Variants in FHOD3 observed in about 807,000 individuals in gnomAD.
FHOD3 encodes FH1/FH2 domain-containing protein 3.
FHOD3 carries 90 observed loss-of-function variants against 173.0 expected under a neutral mutation model. That is an observed-to-expected ratio of 0.52 (90% CI 0.44 to 0.62). FHOD3 has a LOEUF of 0.62. Ranked by LOEUF, FHOD3 falls within the 20% of genes least tolerant of loss-of-function variation. FHOD3 has a pLI of 0.00. For missense variants in FHOD3, 1,945 were observed against 2,034.7 expected (o/e 0.96, Z 0.85); for synonymous variants, 828 against 823.0 (o/e 1.01, Z -0.10).
chr18:36,386,834 G>A (rs2048058234), intron 3 of FHOD3, among the ~76,000 whole-genome samples: 1 of 152,142 alleles, frequency 6.6e-6, no homozygotes, highest in Admixed American at 6.5e-5. Context: ...AGGCTGTGGG[G>A]TCTAGCTTGG....
At chr18:36,617,999 T>G (rs947832028) in intron 9 of FHOD3, among the ~76,000 whole-genome samples, 2 of 152,144 alleles carry the variant, frequency 1.3e-5, no homozygotes, top group Non-Finnish European at 2.9e-5. Context: ...ATTTCTTCTC[T>G]TTTAGTAATC....
intron 2 of FHOD3, among the ~76,000 whole-genome samples, chr18:36,362,926 T>C (rs530853920): frequency 1.3e-5 from 2 of 152,320 alleles, no homozygotes; most frequent in East Asian, 3.9e-4. Flanking sequence ...ATCCAAAATA[T>C]ACAAAGCACT....
intron 3 of FHOD3, among the ~76,000 whole-genome samples, chr18:36,432,757 T>C (rs1449708141): frequency 1.3e-5 from 2 of 152,240 alleles, no homozygotes; most frequent in African/African-American, 4.8e-5. Context: ...TTAACTCATA[T>C]ATAACAATGG....
chr18:36,611,326 G>A (rs982137973), intron 8 of FHOD3, among the ~76,000 whole-genome samples: 1 of 152,198 alleles, frequency 6.6e-6, no homozygotes, highest in Non-Finnish European at 1.5e-5. Flanking sequence ...AGCTTCCGTG[G>A]GGCAGGGAGT....
At chr18:36,329,924 T>C (rs1263110807) in intron 1 of FHOD3, among the ~76,000 whole-genome samples, 1 of 152,226 alleles carries the variant, frequency 6.6e-6, no homozygotes, top group Non-Finnish European at 1.5e-5. Context: ...CAATTGATAA[T>C]GCCTGCCTGG....
At chr18:36,512,314 ACAG>A (rs2055701680) in intron 4 of FHOD3, 121 bp from the exon 5 acceptor site, 2 of 701,454 alleles carry the variant, frequency 2.9e-6, no homozygotes, top group African/African-American at 1.8e-5. Flanking sequence ...TCATTTGAAT[ACAG>A]CAGAGCAATC....
At chr18:36,525,594 C>T (rs1019444498) in intron 5 of FHOD3, among the ~76,000 whole-genome samples, 6 of 152,212 alleles carry the variant, frequency 3.9e-5, no homozygotes, top group Admixed American at 2.0e-4. Flanking sequence ...AACACGAAGC[C>T]ATCTGGACTT....
chr18:36,562,290 T>A (rs2058114430), intron 5 of FHOD3, among the ~76,000 whole-genome samples: 1 of 152,126 alleles, frequency 6.6e-6, no homozygotes, highest in Non-Finnish European at 1.5e-5. Flanking sequence ...GTGCTGTGAT[T>A]ACAGATGTGA....
Position 36,355,529 on chromosome 18 carries a change from TC to T in FHOD3, c.166-9del. 6.2e-7 allele frequency: 1 copy of T among 1,613,770 alleles called. No individual in the cohort carries two copies. The highest frequency in any genetic ancestry group is 1.1e-5 in the South Asian group (1 of 91,058). ...AGCAGGTTGGGTATAACAGGCTCTT[TC>T]TCTTGCAGCTGGATGACTGTACTCT... is the stretch of plus-strand genomic sequence containing the variant. On this transcript the variant is annotated splice_polypyrimidine_tract_variant and intron_variant, in intron 1 of 28. Transcript: ENST00000590592.
At position 36,439,567 on chromosome 18, in the gene FHOD3, G is replaced by GTGTGTA. The variant is rs1486755510; in HGVS notation, c.338-62364_338-62363insGTGTAT. Among the ~76,000 whole-genome samples, 10 of 146,030 alleles carry GTGTGTA rather than the reference G, an allele frequency of 6.8e-5. 1 individual carries two copies. The highest frequency in any genetic ancestry group is 2.1e-4 in the African/African-American group (8 of 38,366). ...TGTGTGTGTGTGTGTGTGTGTGTGT[G>GTGTGTA]TATGTATGTAGTTACATAAGAGGAG... On this transcript the variant is annotated intron_variant, in intron 3 of 28. Coordinates refer to ENST00000590592, the MANE Select transcript of FHOD3 (RefSeq NM_001281740.3).
intron 3 of FHOD3, among the ~76,000 whole-genome samples, chr18:36,414,382 C>T (rs546277673): frequency 6.6e-6 from 1 of 152,356 alleles, no homozygotes; most frequent in Admixed American, 6.5e-5. Flanking sequence ...CTTCCTATTA[C>T]TTACTGCTTC....
chr18:36,710,546 C>A (rs2040115513), intron 18 of FHOD3: 1 of 152,142 alleles, frequency 6.6e-6, no homozygotes, highest in East Asian at 1.9e-4. Flanking sequence ...AAAATAGTTA[C>A]TATTTGGATT....
At chr18:36,647,636 CAT>C (rs1287634246) in intron 10 of FHOD3, among the ~76,000 whole-genome samples, 1 of 152,174 alleles carries the variant, frequency 6.6e-6, no homozygotes, top group Non-Finnish European at 1.5e-5. Flanking sequence ...CACCAGAAGA[CAT>C]GTACTACACT....
rs2036184250 is a variant in FHOD3, at chr18:36,653,210, A to G, written c.1647-132A>G. On this transcript the variant is annotated intron_variant, in intron 12 of 28. Transcript: ENST00000590592. ...TTTTAAATGTAAGGTTTACATGTGT[A>G]TAATGTGTCCAAATTTATACATCTT... The G allele has an allele frequency of 4.0e-6, 3 of 746,978 alleles. No individual in the cohort carries two copies. In the East Asian group the frequency reaches 8.0e-5, roughly 20 times the overall value. 46.3% of individuals were successfully genotyped at this position (746,978 alleles called of 1,614,324 possible).
chr18:36,742,856 T>G lies in FHOD3; in HGVS notation c.3879T>G (p.Asn1293Lys). The G allele has an allele frequency of 1.2e-6, 2 of 1,611,340 alleles. No individual in the cohort carries two copies. The highest frequency in any genetic ancestry group is 1.7e-6 in the Non-Finnish European group (2 of 1,179,162). The change falls in exon 22 of 29, where the codon AAT becomes AAG. Residue 1293 changes from asparagine to lysine, a missense_variant and splice_region_variant. Asn to Lys is a moderately conservative substitution (Grantham distance 94). Coordinates refer to ENST00000590592, the MANE Select transcript of FHOD3 (RefSeq NM_001281740.3). ...TTGGGAACTTTCTAAATGGAACTAA[T>G]GTAAGTCATCCCCATCCCTCATCCT... ...LAIGNFLNGT[N>K]AKAFELSYLE... is the part of the protein sequence containing the mutation.
chr18:36,671,388 A>G (rs1308319646), intron 14 of FHOD3, among the ~76,000 whole-genome samples: 2 of 152,174 alleles, frequency 1.3e-5, no homozygotes, highest in Non-Finnish European at 2.9e-5. Flanking sequence ...TCACCATCTG[A>G]TGGCCAGTTT....
intron 5 of FHOD3, among the ~76,000 whole-genome samples, chr18:36,538,664 A>G (rs775629635): frequency 1.3e-5 from 2 of 152,242 alleles, no homozygotes; most frequent in African/African-American, 4.8e-5. Context: ...GGCACATACA[A>G]CTTGGATGGA....
At chr18:36,536,834 A>AG (rs1419248105) in intron 5 of FHOD3, among the ~76,000 whole-genome samples, 12 of 152,234 alleles carry the variant, frequency 7.9e-5, no homozygotes, top group African/African-American at 2.7e-4. Context: ...CCCAATACAA[A>AG]TGCCCAAAGA....
chr18:36,646,935 G>T (rs146308258), intron 10 of FHOD3, among the ~76,000 whole-genome samples: 19 of 152,314 alleles, frequency 1.2e-4, no homozygotes, highest in African/African-American at 4.6e-4. Context: ...AAGGGCAAAT[G>T]ATATTAAAAA....
Sources: gnomAD v4.1 joint callset for allele counts (sites outside exome capture counted in the v4.1 genomes callset) on GRCh38, gnomAD v4.1.1 for gene constraint, MANE v1.5 for transcripts, NCBI Gene and HGNC (gene_info 2026-07-23, HGNC 2026-07-21) for gene names.